The following NUCKS1 variants were observed in gnomAD, a reference collection of about 807,000 sequenced individuals.
NUCKS1 encodes nuclear casein kinase and cyclin dependent kinase substrate 1.
In NUCKS1, 2 loss-of-function variants were observed where a neutral mutation model predicts 33.0. The observed-to-expected ratio is 0.06, with a 90% CI of 0.02 to 0.19. The LOEUF is 0.19. Among genes scored for constraint, NUCKS1 ranks in the 10% least tolerant of loss-of-function variants. NUCKS1 has a pLI of 1.00. For missense variants in NUCKS1, 201 were observed against 293.6 expected, an observed-to-expected ratio of 0.68 and a Z score of 2.31; for synonymous variants, 106 against 102.8, an observed-to-expected ratio of 1.03 and a Z score of -0.19.
At chr1:205,732,799 A>C (rs2102439741) in intron 1 of NUCKS1, among the ~76,000 whole-genome samples, 1 of 151,438 alleles carries the variant, frequency 6.6e-6, no homozygotes, top group African/African-American at 2.4e-5. Context: ...AAAAAAAGTT[A>C]AGATGGTAAA....
At chr1:205,732,558 G>A (rs566857784) in intron 1 of NUCKS1, among the ~76,000 whole-genome samples, 29 of 152,076 alleles carry the variant, frequency 1.9e-4, no homozygotes, top group South Asian at 4.2e-4. Context: ...CAAGGTGGGC[G>A]GATCATGAGG....
chr1:205,723,694 T>C (rs562356657), intron 4 of NUCKS1, among the ~76,000 whole-genome samples: 2 of 152,314 alleles, frequency 1.3e-5, no homozygotes, highest in South Asian at 4.1e-4. Context: ...CACTTAGATC[T>C]ATTTAATCAG....
chr1:205,740,040 T>C (rs539409148), intron 1 of NUCKS1, among the ~76,000 whole-genome samples: 1 of 138,302 alleles, frequency 7.2e-6, no homozygotes, highest in Non-Finnish European at 1.5e-5. Flanking sequence ...TCTCCCTCTG[T>C]TGTCCAGACT....
intron 2 of NUCKS1, 135 bp from the exon 3 acceptor site, chr1:205,727,940 C>T (rs1653817031): frequency 1.5e-6 from 1 of 653,472 alleles, no homozygotes; most frequent in Admixed American, 3.0e-5. Flanking sequence ...TTTCTTTCAT[C>T]TTTAAAAAAC....
intron 1 of NUCKS1, among the ~76,000 whole-genome samples, chr1:205,735,430 T>G (rs887736380): frequency 2.6e-5 from 4 of 152,226 alleles, no homozygotes; most frequent in Non-Finnish European, 5.9e-5. Context: ...GTTCTCAGAA[T>G]GTATCCCTGG....
At chr1:205,736,411 T>C (rs111913572) in intron 1 of NUCKS1, among the ~76,000 whole-genome samples, 2,343 of 152,260 alleles carry the variant, frequency 0.015, 53 homozygotes, top group African/African-American at 0.053. Context: ...TTATATGTAG[T>C]AGAGCTACTG....
At chr1:205,747,739 CTA>C (rs1654366381) in intron 1 of NUCKS1, among the ~76,000 whole-genome samples, 1 of 152,136 alleles carries the variant, frequency 6.6e-6, no homozygotes, top group Non-Finnish European at 1.5e-5. Flanking sequence ...AGGTCAATGT[CTA>C]TCACTTTTTT....
At chr1:205,749,834 C>G in intron 1 of NUCKS1, 123 bp downstream of exon 1, 4 of 1,107,990 alleles carry the variant, frequency 3.6e-6, no homozygotes, top group Non-Finnish European at 5.2e-6. Flanking sequence ...GCGCGGGCCC[C>G]GAAAGGGAGG....
chr1:205,719,676 T>G lies in NUCKS1; in HGVS notation c.383A>C (p.Lys128Thr), dbSNP rs1558049221. 3 of 1,604,034 alleles carry G rather than the reference T, an allele frequency of 1.9e-6. No individual in the cohort carries two copies. The Middle Eastern group carries it at 5.0e-4, about 267-fold the overall frequency. Residue 128 changes from lysine to threonine, a missense_variant and splice_region_variant, in exon 6 of 7, where the codon AAA (lysine) becomes ACA (threonine). Coordinates refer to ENST00000367142, the MANE Select transcript of NUCKS1 (RefSeq NM_022731.5). ...GAAATCTTCATCGCTGCCGGAATCT[T>G]CTGAGAAGAAAGAAGAATTTCAACA... ...EEEDEAPFQE[K>T]DSGSDEDFLM... is the part of the protein sequence containing the mutation.
At chr1:205,724,249 T>C (rs1471085377) in intron 3 of NUCKS1, among the ~76,000 whole-genome samples, 4 of 152,192 alleles carry the variant, frequency 2.6e-5, no homozygotes, top group Admixed American at 6.5e-5. Context: ...TTTTCACCTA[T>C]GGATAAAGCT....
chr1:205,718,607 G>C, intron 6 of NUCKS1, 128 bp from the exon 7 acceptor site: 1 of 1,343,080 alleles, frequency 7.4e-7, no homozygotes, highest in East Asian at 2.4e-5. Flanking sequence ...TAAAAACCAA[G>C]GTGGGCACAA....
chr1:205,718,238 T>G lies in NUCKS1; in HGVS notation c.*42A>C. ...CCTCCCTCTTTTTTCTTTTTTTTTC[T>G]TTTTTTTTTTAATAAAATCTCTCCC... On this transcript the variant is annotated 3_prime_UTR_variant, in exon 7 of 7. Coordinates refer to ENST00000367142, the MANE Select transcript of NUCKS1 (RefSeq NM_022731.5). 1 of 844,706 alleles carries G rather than the reference T, an allele frequency of 1.2e-6. No individual in the cohort carries two copies. Among genetic ancestry groups the G allele is most frequent in the African/African-American group, 1.8e-5 (1 of 55,872 alleles). The allele number at this position is 844,706 out of a possible 1,614,324, so 52.3% of individuals were successfully genotyped here. A position where few individuals can be genotyped will look rare whatever the true frequency, so the allele number is the denominator to read the frequency against.
intron 1 of NUCKS1, among the ~76,000 whole-genome samples, chr1:205,732,127 CT>C: frequency 6.6e-6 from 1 of 152,196 alleles, no homozygotes; most frequent in African/African-American, 2.4e-5. Context: ...TAGTTACATA[CT>C]CAGCATTAGA....
intron 1 of NUCKS1, among the ~76,000 whole-genome samples, chr1:205,747,536 A>C (rs994911738): frequency 1.3e-5 from 2 of 152,198 alleles, no homozygotes; most frequent in African/African-American, 4.8e-5. Context: ...CCATAGGTAC[A>C]TTTCCAAATG....
At chr1:205,745,799 T>C (rs557637800) in intron 1 of NUCKS1, among the ~76,000 whole-genome samples, 1 of 152,272 alleles carries the variant, frequency 6.6e-6, no homozygotes, top group African/African-American at 2.4e-5. Flanking sequence ...TGTTACATGG[T>C]GATAAAGAAA....
chr1:205,718,592 C>T, intron 6 of NUCKS1, 113 bp from the exon 7 acceptor site: 1 of 1,488,148 alleles, frequency 6.7e-7, no homozygotes, highest in African/African-American at 1.4e-5. Context: ...CAATATGCAA[C>T]TTACTAAAAA....
At chr1:205,740,825 ATATATATATATATACTTAGTATG>A (rs1654150836) in intron 1 of NUCKS1, among the ~76,000 whole-genome samples, 2 of 148,460 alleles carry the variant, frequency 1.3e-5, no homozygotes, top group African/African-American at 4.9e-5. Context: ...TACTAAGTAT[ATATATATATATATACTTAGTATG>A]TATATATATA....
intron 1 of NUCKS1, among the ~76,000 whole-genome samples, chr1:205,739,652 C>T (rs920963017): frequency 2.0e-5 from 3 of 151,928 alleles, no homozygotes; most frequent in African/African-American, 4.8e-5. Flanking sequence ...GATGGGGTTT[C>T]AGCATATTGC....
chr1:205,743,499 A>G (rs1654233380), intron 1 of NUCKS1, among the ~76,000 whole-genome samples: 1 of 152,258 alleles, frequency 6.6e-6, no homozygotes, highest in Non-Finnish European at 1.5e-5. Flanking sequence ...CAGTCAAGTT[A>G]ATCATTTCCT....
Sources: gnomAD v4.1 joint callset for allele counts (sites outside exome capture counted in the v4.1 genomes callset) on GRCh38, gnomAD v4.1.1 for gene constraint, MANE v1.5 for transcripts, NCBI Gene and HGNC (gene_info 2026-07-23, HGNC 2026-07-21) for gene names.